The following PLCL1 variants were observed in gnomAD, a reference collection of about 807,000 sequenced individuals.
PLCL1 encodes the protein inactive phospholipase C-like protein 1.
Under a neutral mutation model 84.4 loss-of-function variants are expected in PLCL1, and 41 were observed. The observed-to-expected ratio is 0.49, with a 90% CI of 0.38 to 0.63. The LOEUF is 0.63. PLCL1 is among the 30% of genes least tolerant of loss of function. The pLI is 0.00. For missense variants in PLCL1, 1,206 were observed against 1,367.8 expected (o/e 0.88, Z 1.87); for synonymous variants, 490 against 488.3 (o/e 1.00, Z -0.05).
intron 1 of PLCL1, among the ~76,000 whole-genome samples, chr2:197,931,742 C>G (rs1185261361): frequency 7.4e-6 from 1 of 134,798 alleles, no homozygotes; most frequent in East Asian, 2.3e-4. Flanking sequence ...CTAACCTTTT[C>G]ATAGGACAGA....
chr2:197,931,777 C>T (rs1455572417), intron 1 of PLCL1, among the ~76,000 whole-genome samples: 1 of 147,494 alleles, frequency 6.8e-6, no homozygotes, highest in African/African-American at 2.5e-5. Context: ...GTTTTAAATT[C>T]AGTGGGAAGC....
At chr2:197,883,879 A>T (rs1320403709) in intron 1 of PLCL1, among the ~76,000 whole-genome samples, 1 of 152,200 alleles carries the variant, frequency 6.6e-6, no homozygotes. Context: ...GCTACTGGGA[A>T]CATTTGGCTC....
At chr2:197,897,182 T>C (rs7585850) in intron 1 of PLCL1, among the ~76,000 whole-genome samples, 15,213 of 44,668 alleles carry the variant, frequency 0.34, 2,366 homozygotes, top group South Asian at 0.37. Context: ...TTCTTCTTCT[T>C]CTTCTTCTCC....
intron 1 of PLCL1, among the ~76,000 whole-genome samples, chr2:197,847,196 CG>C (rs796282559): frequency 7.9e-5 from 12 of 151,890 alleles, no homozygotes; most frequent in African/African-American, 1.9e-4. Flanking sequence ...TTCCTCATCC[CG>C]GGGGGGTAAT....
chr2:197,852,654 C>T (rs1044835006), intron 1 of PLCL1, among the ~76,000 whole-genome samples: 1 of 152,078 alleles, frequency 6.6e-6, no homozygotes, highest in Non-Finnish European at 1.5e-5. Flanking sequence ...CCAGTCACTG[C>T]TAATTAATGT....
chr2:197,979,451 C>T (rs544473007), intron 1 of PLCL1, among the ~76,000 whole-genome samples: 1 of 152,300 alleles, frequency 6.6e-6, no homozygotes, highest in East Asian at 1.9e-4. Context: ...AAATCTATCC[C>T]TTTCTCTCCC....
chr2:197,923,763 G>C (rs1393091638), intron 1 of PLCL1, among the ~76,000 whole-genome samples: 1 of 152,158 alleles, frequency 6.6e-6, no homozygotes, highest in South Asian at 2.1e-4. Context: ...GGTGGCGGCC[G>C]GGCAGAGGCT....
chr2:198,097,472 A>G (rs1346114168), intron 3 of PLCL1, among the ~76,000 whole-genome samples: 3 of 152,188 alleles, frequency 2.0e-5, no homozygotes, highest in Admixed American at 1.3e-4. Context: ...GTAGTAAGGT[A>G]GTCAAATTGG....
intron 1 of PLCL1, among the ~76,000 whole-genome samples, chr2:198,030,596 C>T (rs971963793): frequency 1.3e-5 from 2 of 152,142 alleles, no homozygotes; most frequent in African/African-American, 4.8e-5. Flanking sequence ...TAGTAGTTAT[C>T]ATTTTCTGGC....
chr2:197,975,541 C>T (rs1009741230), intron 1 of PLCL1, among the ~76,000 whole-genome samples: 1 of 152,146 alleles, frequency 6.6e-6, no homozygotes, highest in Admixed American at 6.5e-5. Flanking sequence ...GGGCCAGGCA[C>T]CCCTGCAATC....
Position 197,886,411 on chromosome 2 carries a change from C to CAAAAAAAAAAAAAAA in PLCL1, c.240+81099_240+81113dup, listed in dbSNP as rs61183744. 4.7e-4 allele frequency among the ~76,000 whole-genome samples: 36 copies of CAAAAAAAAAAAAAAA among 77,090 alleles called. 1 individual carries two copies. Among genetic ancestry groups the CAAAAAAAAAAAAAAA allele is most frequent in the Non-Finnish European group, 5.6e-4 (21 of 37,400 alleles). The allele number at this position is 77,090 out of a possible 152,430, so 50.6% of individuals were successfully genotyped here. ...TGGGCAACAGAATGAGACTCTGTCTCAAAAAAAAAAAAAAAAAAAAAAAAA... is the reference window on the plus strand; with the variant it reads ...TGGGCAACAGAATGAGACTCTGTCTCAAAAAAAAAAAAAAAAAAAAAAAAAAAAAAAAAAAAAAAA... On this transcript the variant is annotated intron_variant, in intron 1 of 5. Coordinates refer to ENST00000428675, the MANE Select transcript of PLCL1 (RefSeq NM_006226.4).
At chr2:198,001,021 C>T (rs978113904) in intron 1 of PLCL1, among the ~76,000 whole-genome samples, 2 of 152,006 alleles carry the variant, frequency 1.3e-5, no homozygotes, top group Non-Finnish European at 2.9e-5. Flanking sequence ...AAATGGGCTT[C>T]GAAGGCAGAG....
chr2:197,887,192 G>A (rs1476617220), intron 1 of PLCL1, among the ~76,000 whole-genome samples: 1 of 151,926 alleles, frequency 6.6e-6, no homozygotes, highest in Non-Finnish European at 1.5e-5. Flanking sequence ...TTTTTCATAG[G>A]CAAATGAGGA....
At chr2:197,817,339 A>T (rs1242694284) in intron 1 of PLCL1, among the ~76,000 whole-genome samples, 2 of 152,100 alleles carry the variant, frequency 1.3e-5, no homozygotes, top group African/African-American at 4.8e-5. Context: ...TTTTGTGATA[A>T]ATGAACTGAT....
intron 1 of PLCL1, among the ~76,000 whole-genome samples, chr2:197,850,097 C>T (rs1254187502): frequency 1.3e-5 from 2 of 151,646 alleles, no homozygotes; most frequent in Non-Finnish European, 2.9e-5. Context: ...GCCAGGAAGC[C>T]TGGCTCAGTC....
chr2:197,917,443 A>G (rs1327822588), intron 1 of PLCL1, among the ~76,000 whole-genome samples: 1 of 152,244 alleles, frequency 6.6e-6, no homozygotes, highest in Non-Finnish European at 1.5e-5. Context: ...TAGTAATAGT[A>G]AAACTATTAG....
chr2:197,804,804 C>T lies in PLCL1; in HGVS notation c.-296C>T. On this transcript the variant is annotated 5_prime_UTR_variant, in exon 1 of 6. Coordinates refer to ENST00000428675, the MANE Select transcript of PLCL1 (RefSeq NM_006226.4). ...TTTGCATCACATTTCGGATACCTCC[C>T]TCTCTTTTTCGCCTCTCCTTCTGCC... 3.1e-6 allele frequency: 1 copy of T among 319,636 alleles called. No homozygotes were observed. The allele number at this position is 319,636 out of a possible 1,614,324, so 19.8% of individuals were successfully genotyped here. A position where few individuals can be genotyped will look rare whatever the true frequency, so the allele number is the denominator to read the frequency against.
chr2:197,863,733 T>C (rs1687476328), intron 1 of PLCL1, among the ~76,000 whole-genome samples: 1 of 152,158 alleles, frequency 6.6e-6, no homozygotes, highest in South Asian at 2.1e-4. Context: ...AAAATTACAT[T>C]GTGAGACCAG....
At chr2:197,939,379 G>A (rs900512902) in intron 1 of PLCL1, among the ~76,000 whole-genome samples, 4 of 152,162 alleles carry the variant, frequency 2.6e-5, no homozygotes, top group African/African-American at 7.2e-5. Flanking sequence ...AATGGGACCT[G>A]TATTTGTTTT....
Sources: allele counts gnomAD v4.1 joint callset (sites outside exome capture counted in the v4.1 genomes callset), GRCh38; gene constraint gnomAD v4.1.1; transcripts MANE v1.5; gene names NCBI Gene and HGNC (gene_info 2026-07-23, HGNC 2026-07-21).